The following SLCO1B3 variants were observed in gnomAD, a reference collection of about 807,000 sequenced individuals.
SLCO1B3 encodes solute carrier organic anion transporter family member 1B3, also known as liver-specific organic anion transporter 2.
A neutral mutation model predicts 71.8 loss-of-function variants in SLCO1B3; 72 were observed. That is an observed-to-expected ratio of 1.00 (90% confidence interval 0.83 to 1.22). The LOEUF (loss-of-function observed/expected upper bound fraction) is 1.22, where lower values mean the gene tolerates loss of function less well. Among genes scored for constraint, SLCO1B3 ranks in the 50% most tolerant of loss-of-function variants. The pLI, the probability that SLCO1B3 is intolerant of heterozygous loss-of-function variation, is 0.00. For synonymous variants in SLCO1B3, 298 were observed against 278.4 expected, an observed-to-expected ratio of 1.07 and a Z score of -0.70; for missense variants, 911 against 819.7, an observed-to-expected ratio of 1.11 and a Z score of -1.36.
At chr12:20,904,438 A>G (rs1866193703) in intron 15 of SLCO1B3, among the ~76,000 whole-genome samples, 1 of 152,088 alleles carries the variant, frequency 6.6e-6, no homozygotes, top group South Asian at 2.1e-4. Flanking sequence ...TCTAGGGCAC[A>G]ATGATGCAAG....
intron 8 of SLCO1B3, among the ~76,000 whole-genome samples, chr12:20,871,335 G>T (rs1400797778): frequency 1.3e-5 from 2 of 152,062 alleles, no homozygotes; most frequent in African/African-American, 4.8e-5. Context: ...ATTTCTCTGA[G>T]TTTCTTCAGA....
In SLCO1B3 at chr12:20,862,703, A is replaced by G. The variant is rs1043892375; in HGVS notation, c.629-53A>G. The G allele has an allele frequency of 7.3e-6, 11 of 1,508,204 alleles. 1 individual carries two copies. In the African/African-American group the frequency reaches 1.4e-4, roughly 19 times the overall value. 93.4% of individuals were successfully genotyped at this position (1,508,204 alleles called of 1,614,324 possible). A position where few individuals can be genotyped will look rare whatever the true frequency, so the allele number is the denominator to read the frequency against. On this transcript the variant is annotated intron_variant, in intron 7 of 15. Coordinates refer to ENST00000381545, the MANE Select transcript of SLCO1B3 (RefSeq NM_019844.4). ...AATATTACTTTTAAAAGCATGTTAA[A>G]TGAAAACCAAGTATTTGTGACATCT... is the stretch of plus-strand genomic sequence containing the variant.
At chr12:20,880,713 C>G (rs1351668442) in intron 11 of SLCO1B3, 142 bp from the exon 12 acceptor site, 1 of 524,626 alleles carries the variant, frequency 1.9e-6, no homozygotes, top group African/African-American at 2.0e-5. Flanking sequence ...AAAGGAAAAC[C>G]CTTTCTCTTA....
rs1209057636 is a variant in SLCO1B3, at chr12:20,879,469, T to A, written c.1169T>A (p.Met390Lys). 2 of 1,609,472 alleles carry A rather than the reference T, an allele frequency of 1.2e-6. No homozygotes were observed. Among genetic ancestry groups the A allele is most frequent in the African/African-American group, 2.7e-5 (2 of 74,666 alleles). The change falls in exon 11 of 16, where the codon ATG (methionine) becomes AAG (lysine). Residue 390 changes from methionine to lysine, a missense_variant. Transcript: ENST00000381545. Reference protein sequence around the residue: ...IITIPTVATGMFLGGFIIKKF... With the variant: ...IITIPTVATGKFLGGFIIKKF... The stretch of plus-strand genomic sequence containing the variant: ...ACCATTCCTACGGTTGCAACTGGAA[T>A]GTTTTTAGGAGGATTTATCATTAAA...
rs146716876 is a variant in SLCO1B3, at chr12:20,834,802, G to A, written c.84+18980G>A. 1.3e-4 allele frequency among the ~76,000 whole-genome samples: 20 copies of A among 152,192 alleles called. No homozygotes were observed. In the East Asian group the frequency reaches 2.5e-3, roughly 19 times the overall value. On this transcript the variant is annotated intron_variant, in intron 3 of 15. Transcript: ENST00000381545. The stretch of plus-strand genomic sequence containing the variant: ...GTGCACAGTGCAATCCACAGTGTCA[G>A]TGGATCTACCATTCTGGGATCTGGA...
chr12:20,820,979 G>A (rs548922874), intron 3 of SLCO1B3, among the ~76,000 whole-genome samples: 10 of 152,274 alleles, frequency 6.6e-5, no homozygotes, highest in Non-Finnish European at 1.0e-4. Context: ...GTGAGGAGGG[G>A]AGGCGATAAA....
chr12:20,879,945 G>C (rs756563443), intron 11 of SLCO1B3, among the ~76,000 whole-genome samples: 4 of 151,904 alleles, frequency 2.6e-5, no homozygotes, highest in Non-Finnish European at 5.9e-5. Context: ...ACATTATATG[G>C]CTAGCAATGT....
chr12:20,862,348 G>A (rs930508845), intron 6 of SLCO1B3, 64 bp from the exon 7 acceptor site: 1 of 1,488,694 alleles, frequency 6.7e-7, no homozygotes, highest in Non-Finnish European at 9.1e-7. Context: ...ATTTAAAGTA[G>A]TTAAATTTCT....
chr12:20,840,168 G>C (rs1050989935), intron 3 of SLCO1B3, among the ~76,000 whole-genome samples: 4 of 151,996 alleles, frequency 2.6e-5, no homozygotes, highest in Non-Finnish European at 5.9e-5. Flanking sequence ...CCTGATTCTT[G>C]CTCTGTCTCT....
At chr12:20,912,853 C>T (rs1464825264) in intron 15 of SLCO1B3, among the ~76,000 whole-genome samples, 4 of 112,840 alleles carry the variant, frequency 3.5e-5, no homozygotes, top group East Asian at 5.4e-4. Flanking sequence ...TTTGTAGAGA[C>T]GGGGTTTCAC....
intron 14 of SLCO1B3, among the ~76,000 whole-genome samples, chr12:20,898,896 C>T (rs188813678): frequency 1.3e-4 from 20 of 152,222 alleles, no homozygotes; most frequent in South Asian, 4.2e-4. Context: ...GCTTGGGAAC[C>T]CTGGGAATCT....
chr12:20,910,300 C>T (rs573241787), intron 15 of SLCO1B3, among the ~76,000 whole-genome samples: 3 of 152,230 alleles, frequency 2.0e-5, no homozygotes, highest in African/African-American at 7.2e-5. Context: ...TTATTCTTTC[C>T]ACTTACCTAT....
intron 1 of SLCO1B3, among the ~76,000 whole-genome samples, chr12:20,811,691 A>G (rs2121056637): frequency 6.6e-6 from 1 of 152,336 alleles, no homozygotes; most frequent in Admixed American, 6.5e-5. Context: ...GCAATGCTGC[A>G]TACAAATGCC....
intron 9 of SLCO1B3, 128 bp from the exon 10 acceptor site, chr12:20,877,644 G>A: frequency 2.7e-6 from 1 of 369,390 alleles, no homozygotes; most frequent in Non-Finnish European, 4.5e-6. Flanking sequence ...TTTGAGCAAA[G>A]GTCGCGACTC....
At chr12:20,840,041 G>T (rs1864763119) in intron 3 of SLCO1B3, among the ~76,000 whole-genome samples, 1 of 152,024 alleles carries the variant, frequency 6.6e-6, no homozygotes, top group African/African-American at 2.4e-5. Flanking sequence ...GGCTTAAATT[G>T]CTCATCTGTT....
At chr12:20,815,941 C>T (rs569599313) in intron 3 of SLCO1B3, 119 bp downstream of exon 3, 75 of 499,618 alleles carry the variant, frequency 1.5e-4, no homozygotes, top group East Asian at 7.1e-4. Context: ...TCCATTGAAG[C>T]GTACATTAAA....
chr12:20,878,236 A>G lies in SLCO1B3; in HGVS notation c.1135+300A>G, dbSNP rs145296344. The stretch of plus-strand genomic sequence containing the variant: ...TTAGACGTAGTATCTGCATAATTGG[A>G]TCTTATAATATAGTACTGAGATCCT... On this transcript the variant is annotated intron_variant, in intron 10 of 15. Transcript: ENST00000381545. 5.8e-4 allele frequency among the ~76,000 whole-genome samples: 89 copies of G among 152,194 alleles called. 2 individuals are homozygous for G. In the East Asian group the frequency reaches 0.013, roughly 22 times the overall value.
Position 20,839,613 on chromosome 12 carries a change from A to C in SLCO1B3, c.85-15415A>C, listed in dbSNP as rs144064112. On this transcript the variant is annotated intron_variant, in intron 3 of 15. Coordinates refer to ENST00000381545, the MANE Select transcript of SLCO1B3 (RefSeq NM_019844.4). ...TTTCCCCTTGTCTTTGATTTTGTGT[A>C]GTTTGAAAATGATATTCCTAGGTGG... 1.5e-4 allele frequency among the ~76,000 whole-genome samples: 23 copies of C among 152,066 alleles called. No individual in the cohort carries two copies. The East Asian group carries it at 4.3e-3, about 28-fold the overall frequency.
intron 15 of SLCO1B3, among the ~76,000 whole-genome samples, chr12:20,905,230 A>G (rs1254490882): frequency 6.6e-6 from 1 of 152,094 alleles, no homozygotes; most frequent in Non-Finnish European, 1.5e-5. Flanking sequence ...CTGACCCACA[A>G]AACCATTTAA....
Sources: allele counts gnomAD v4.1 joint callset (sites outside exome capture counted in the v4.1 genomes callset), GRCh38; gene constraint gnomAD v4.1.1; transcripts MANE v1.5; gene names NCBI Gene and HGNC (gene_info 2026-07-23, HGNC 2026-07-21).